Variants in SNTG2 observed in about 807,000 individuals in gnomAD.
SNTG2 encodes syntrophin gamma 2.
In SNTG2, 74 loss-of-function variants were observed where a neutral mutation model predicts 70.9. The ratio of observed to expected loss-of-function variants is 1.04; its 90% CI spans 0.86 to 1.27. The LOEUF (loss-of-function observed/expected upper bound fraction) is 1.27, where lower values mean the gene tolerates loss of function less well. SNTG2 is among the 50% of genes most tolerant of loss of function. SNTG2 has a pLI of 0.00. For missense variants in SNTG2, 717 were observed against 690.7 expected (o/e 1.04, Z -0.43); for synonymous variants, 278 against 273.8 (o/e 1.02, Z -0.15).
chr2:1,117,541 A>C (rs1010254346), intron 4 of SNTG2, among the ~76,000 whole-genome samples: 4 of 152,148 alleles, frequency 2.6e-5, no homozygotes, highest in Non-Finnish European at 2.9e-5. Flanking sequence ...GCCCTCACGG[A>C]GTCCTGTGTG....
At chr2:1,231,000 CCGAAAGG>C (rs747383503) in intron 9 of SNTG2, among the ~76,000 whole-genome samples, 29 of 151,490 alleles carry the variant, frequency 1.9e-4, no homozygotes, top group Non-Finnish European at 2.8e-4. Context: ...GGAAATAGAT[CCGAAAGG>C]TGAATTACTT....
chr2:1,089,000 A>G (rs1417934847), intron 2 of SNTG2, among the ~76,000 whole-genome samples: 1 of 152,256 alleles, frequency 6.6e-6, no homozygotes, highest in Non-Finnish European at 1.5e-5. Context: ...TAAATTTGGA[A>G]GCAAGTGATT....
chr2:995,650 C>A (rs1661654272), intron 1 of SNTG2, among the ~76,000 whole-genome samples: 1 of 151,290 alleles, frequency 6.6e-6, no homozygotes, highest in Non-Finnish European at 1.5e-5. Context: ...AAATATTTGG[C>A]AGAATTCACT....
chr2:1,003,391 A>C (rs1659469162), intron 1 of SNTG2, among the ~76,000 whole-genome samples: 1 of 152,222 alleles, frequency 6.6e-6, no homozygotes, highest in African/African-American at 2.4e-5. Context: ...GACACAAGCC[A>C]GTGGCATCAG....
chr2:1,256,428 CA>C (rs1343250168), intron 12 of SNTG2: 4 of 152,164 alleles, frequency 2.6e-5, no homozygotes, highest in Non-Finnish European at 5.9e-5. Context: ...ATCTGAACTA[CA>C]AGCTACGCAG....
chr2:954,359 C>A lies in SNTG2; in HGVS notation c.72+3291C>A, dbSNP rs185340551. Among the ~76,000 whole-genome samples the A allele has an allele frequency of 9.7e-3, 1,469 of 151,708 alleles. 26 individuals carry two copies. The highest frequency in any genetic ancestry group is 0.034 in the African/African-American group (1,397 of 41,006). ...TCTGATTCCAAATCCCTCAGAAACT[C>A]ACTCTTTAATTAGTTCTAGAGGTAT... On this transcript the variant is annotated intron_variant, in intron 1 of 16. Coordinates refer to ENST00000308624, the MANE Select transcript of SNTG2 (RefSeq NM_018968.4).
chr2:1,224,744 C>T (rs1675651202), intron 9 of SNTG2, among the ~76,000 whole-genome samples: 1 of 152,142 alleles, frequency 6.6e-6, no homozygotes, highest in Non-Finnish European at 1.5e-5. Flanking sequence ...TTTACCTGGA[C>T]TGGGTCCAGT....
At chr2:1,083,104 C>G (rs1460469153) in intron 1 of SNTG2, among the ~76,000 whole-genome samples, 1 of 151,896 alleles carries the variant, frequency 6.6e-6, no homozygotes, top group South Asian at 2.1e-4. Context: ...CTACTCCAGG[C>G]CAACAAACCT....
chr2:1,080,977 G>C (rs1664250714), intron 1 of SNTG2, among the ~76,000 whole-genome samples: 1 of 152,136 alleles, frequency 6.6e-6, no homozygotes. Context: ...AGAGCTGTCA[G>C]TCATAGTAAC....
In SNTG2 at chr2:1,347,778, G is replaced by A. The variant is rs532516683; in HGVS notation, c.1489-19565G>A. On this transcript the variant is annotated intron_variant, in intron 16 of 16. Transcript: ENST00000308624. The stretch of plus-strand genomic sequence containing the variant: ...AGTCCCAGGGAGACATGAATTTGGG[G>A]CTGCAGTCCTGCACTCCCACACATG... Among the ~76,000 whole-genome samples the A allele has an allele frequency of 3.9e-5, 6 of 152,330 alleles. No individual in the cohort carries two copies. The East Asian group carries it at 1.2e-3, about 29-fold the overall frequency.
At chr2:1,233,526 G>A (rs1340170000) in intron 9 of SNTG2, among the ~76,000 whole-genome samples, 2 of 152,170 alleles carry the variant, frequency 1.3e-5, no homozygotes, top group Non-Finnish European at 2.9e-5. Context: ...TTCCCGGCAG[G>A]AGCCGCAGGG....
chr2:1,156,650 C>T (rs1669917212), intron 6 of SNTG2, among the ~76,000 whole-genome samples: 1 of 152,124 alleles, frequency 6.6e-6, no homozygotes, highest in African/African-American at 2.4e-5. Flanking sequence ...GTTTCTGAAC[C>T]AGTGACCATG....
chr2:1,154,693 A>G (rs777616263), intron 6 of SNTG2, among the ~76,000 whole-genome samples: 2 of 152,174 alleles, frequency 1.3e-5, no homozygotes, highest in African/African-American at 2.4e-5. Context: ...ATAAATTAAA[A>G]TACCGTAGCA....
intron 7 of SNTG2, among the ~76,000 whole-genome samples, chr2:1,167,340 A>G (rs1558482143): frequency 6.6e-6 from 1 of 150,678 alleles, no homozygotes; most frequent in Non-Finnish European, 1.5e-5. Flanking sequence ...CCGCCCACAG[A>G]CGGCAGAACT....
chr2:1,288,082 G>A (rs554838405), intron 14 of SNTG2, among the ~76,000 whole-genome samples: 48 of 152,320 alleles, frequency 3.2e-4, no homozygotes, highest in African/African-American at 1.1e-3. Flanking sequence ...ATCCCCTAGA[G>A]TTGTTTTGAT....
At chr2:1,217,348 G>A (rs4247825) in intron 9 of SNTG2, among the ~76,000 whole-genome samples, 152,079 of 152,330 alleles carry the variant, frequency 1, 75,914 homozygotes, top group Middle Eastern at 1. Context: ...GGAACTATGC[G>A]TTTGGATAAA....
chr2:983,813 C>G (rs140875123), intron 1 of SNTG2, among the ~76,000 whole-genome samples: 1,661 of 152,284 alleles, frequency 0.011, 30 homozygotes, highest in African/African-American at 0.037. Flanking sequence ...GCACCCTCCA[C>G]CATGGAGCCT....
At chr2:1,239,681 G>A in intron 10 of SNTG2, 57 bp from the exon 11 acceptor site, 1 of 1,585,744 alleles carries the variant, frequency 6.3e-7, no homozygotes, top group Admixed American at 1.7e-5. Flanking sequence ...TGTCACTCAG[G>A]TGAGCCATCC....
At chr2:1,249,061 C>T (rs1284089273) in intron 12 of SNTG2, among the ~76,000 whole-genome samples, 1 of 152,202 alleles carries the variant, frequency 6.6e-6, no homozygotes, top group Non-Finnish European at 1.5e-5. Context: ...TGCAGCGTCA[C>T]AAAGTGTCCC....
Sources: gnomAD v4.1 joint callset for allele counts (sites outside exome capture counted in the v4.1 genomes callset) on GRCh38, gnomAD v4.1.1 for gene constraint, MANE v1.5 for transcripts, NCBI Gene and HGNC (gene_info 2026-07-23, HGNC 2026-07-21) for gene names.